The following ABCD3 variants were observed in gnomAD, a reference collection of about 807,000 sequenced individuals.
The protein encoded by ABCD3 is ATP-binding cassette sub-family D member 3.
Under a neutral mutation model 105.5 loss-of-function variants are expected in ABCD3, and 41 were observed. That is an observed-to-expected ratio of 0.39 (90% CI 0.30 to 0.50). The LOEUF is 0.50. ABCD3 is among the 20% of genes least tolerant of loss of function. The pLI, the probability that ABCD3 is intolerant of heterozygous loss-of-function variation, is 0.84. For synonymous variants in ABCD3, 258 were observed against 269.0 expected (o/e 0.96, Z 0.40); for missense variants, 622 against 806.3 (o/e 0.77, Z 2.77).
intron 9 of ABCD3, among the ~76,000 whole-genome samples, chr1:94,480,873 A>G (rs1648998747): frequency 6.6e-6 from 1 of 152,198 alleles, no homozygotes; most frequent in Admixed American, 6.5e-5. Flanking sequence ...TTCAGACATA[A>G]TCAGTTTACA....
Position 94,425,988 on chromosome 1 carries a change from G to A in ABCD3, c.110+7400G>A, listed in dbSNP as rs537183707. ...ATAGTAGTATTTACTCACTCACTCA[G>A]CAGTTAAGTGAGGATTAATGGAGAA... On this transcript the variant is annotated intron_variant, in intron 1 of 22. Transcript: ENST00000370214. Among the ~76,000 whole-genome samples, 143 of 152,264 alleles carry A rather than the reference G, an allele frequency of 9.4e-4. 1 individual carries two copies. The highest frequency in any genetic ancestry group is 3.3e-3 in the African/African-American group (139 of 41,564).
chr1:94,457,671 C>T (rs188695500), intron 1 of ABCD3, among the ~76,000 whole-genome samples: 3 of 152,156 alleles, frequency 2.0e-5, no homozygotes, highest in East Asian at 1.9e-4. Context: ...CTGAGCAAGG[C>T]GGAGGTAAAA....
intron 16 of ABCD3, among the ~76,000 whole-genome samples, chr1:94,496,573 A>G (rs1649807658): frequency 1.3e-5 from 2 of 151,860 alleles, no homozygotes; most frequent in Admixed American, 1.3e-4. Flanking sequence ...ATTTTGTCAC[A>G]GTAAAAGTCG....
chr1:94,420,828 G>A (rs1659230093), intron 1 of ABCD3, among the ~76,000 whole-genome samples: 1 of 151,970 alleles, frequency 6.6e-6, no homozygotes, highest in South Asian at 2.1e-4. Context: ...TTTAATATCT[G>A]GTGCTTAATT....
At chr1:94,465,510 T>TGCTA in intron 3 of ABCD3, among the ~76,000 whole-genome samples, 1 of 152,326 alleles carries the variant, frequency 6.6e-6, no homozygotes, top group South Asian at 2.1e-4. Flanking sequence ...TTATGTGAAA[T>TGCTA]GCTAGGGTAC....
chr1:94,499,960 T>C (rs1650012046), intron 20 of ABCD3, among the ~76,000 whole-genome samples: 1 of 152,174 alleles, frequency 6.6e-6, no homozygotes, highest in Admixed American at 6.5e-5. Flanking sequence ...GTCTCTTCCC[T>C]ATAGACATCT....
chr1:94,387,219 C>G, the ABCD3 span, among the ~76,000 whole-genome samples: 1 of 152,214 alleles, frequency 6.6e-6, no homozygotes, highest in African/African-American at 2.4e-5. Context: ...GCCACTCTGA[C>G]ACCACTTCAC....
Position 94,506,619 on chromosome 1 carries a change from T to C in ABCD3, c.1822T>C (p.Tyr608His), listed in dbSNP as rs971676032. 3.1e-6 allele frequency: 5 copies of C among 1,612,602 alleles called. No homozygotes were observed. Among genetic ancestry groups the C allele is most frequent in the South Asian group, 1.1e-5 (1 of 91,066 alleles). ...TSAVSVDVEG[Y>H]IYSHCRKVGI... ...TGCAGTTAGTGTCGACGTGGAAGGC[T>C]ACATTTATAGTCATTGTCGAAAGGT... Residue 608 changes from tyrosine to histidine, a missense_variant, in exon 21 of 23, where the codon TAC (tyrosine) becomes CAC (histidine). This residue lies in a region of ABCD3 where 285 missense variants were observed against 352.5 expected (regional missense o/e 0.81). Transcript: ENST00000370214.
chr1:94,386,023 GTTTCTTTCTTTCTTTCTTTCTTTC>G, the ABCD3 span, among the ~76,000 whole-genome samples: 42,596 of 151,394 alleles, frequency 0.28, 6,286 homozygotes, highest in Admixed American at 0.32. Context: ...TTTAGAATCT[GTTTCTTTCTTTCTTTCTTTCTTTC>G]TTTCTTTCTT....
chr1:94,499,687 T>C (rs952069158), intron 20 of ABCD3, 73 bp downstream of exon 20: 3 of 1,578,900 alleles, frequency 1.9e-6, no homozygotes, highest in African/African-American at 2.7e-5. Context: ...GACACAAAGT[T>C]TCATCTTATA....
intron 21 of ABCD3, among the ~76,000 whole-genome samples, chr1:94,507,301 C>T (rs1422806641): frequency 2.0e-5 from 3 of 152,146 alleles, no homozygotes; most frequent in African/African-American, 7.2e-5. Context: ...TCATCCATGT[C>T]CCTACAAAGG....
chr1:94,461,072 G>A (rs1647844772), intron 2 of ABCD3, among the ~76,000 whole-genome samples: 1 of 152,022 alleles, frequency 6.6e-6, no homozygotes, highest in South Asian at 2.1e-4. Flanking sequence ...GCAATAAAAA[G>A]GACACAATAT....
Position 94,506,651 on chromosome 1 carries a change from G to T in ABCD3, c.1845+9G>T, listed in dbSNP as rs192519676. On this transcript the variant is annotated intron_variant, in intron 21 of 22. Coordinates refer to ENST00000370214, the MANE Select transcript of ABCD3 (RefSeq NM_002858.4). ...ATAGTCATTGTCGAAAGGTAAGTAC[G>T]CAGGTGCTCAGTTTGAGGAGCCATG... 8 of 1,601,556 alleles carry T rather than the reference G, an allele frequency of 5.0e-6. No individual in the cohort carries two copies. The highest frequency in any genetic ancestry group is 1.3e-5 in the African/African-American group (1 of 74,686).
At chr1:94,401,975 G>A in the ABCD3 span, among the ~76,000 whole-genome samples, 1 of 152,074 alleles carries the variant, frequency 6.6e-6, no homozygotes, top group Non-Finnish European at 1.5e-5. Context: ...ATTTTACCCC[G>A]CTCCCACATG....
At chr1:94,420,969 A>G (rs969989109) in intron 1 of ABCD3, among the ~76,000 whole-genome samples, 3 of 152,192 alleles carry the variant, frequency 2.0e-5, no homozygotes, top group African/African-American at 7.2e-5. Context: ...ACAGTGTAAC[A>G]TTATTCCAAA....
intron 22 of ABCD3, among the ~76,000 whole-genome samples, chr1:94,516,519 C>G (rs1391128704): frequency 6.6e-6 from 1 of 151,886 alleles, no homozygotes; most frequent in Non-Finnish European, 1.5e-5. Context: ...CACCCTTCCT[C>G]TTCTTTTGGA....
chr1:94,447,015 A>G (rs1283009594), intron 1 of ABCD3, among the ~76,000 whole-genome samples: 1 of 152,200 alleles, frequency 6.6e-6, no homozygotes. Context: ...CTAGGAAAAA[A>G]TTTGCAAGAT....
At chr1:94,407,768 G>A in the ABCD3 span, among the ~76,000 whole-genome samples, 2 of 152,260 alleles carry the variant, frequency 1.3e-5, no homozygotes, top group East Asian at 3.9e-4. Flanking sequence ...ACCAAATCTG[G>A]CCTACCTTCT....
chr1:94,430,248 G>A (rs1294968657), intron 1 of ABCD3, among the ~76,000 whole-genome samples: 4 of 147,160 alleles, frequency 2.7e-5, no homozygotes, highest in Non-Finnish European at 6.1e-5. Context: ...GATTTTACAG[G>A]CTCGTGGGCA....
Sources: gnomAD v4.1 joint callset for allele counts (sites outside exome capture counted in the v4.1 genomes callset) on GRCh38, gnomAD v4.1.1 for gene constraint, gnomAD v4.1.1 regional missense constraint, MANE v1.5 for transcripts, NCBI Gene and HGNC (gene_info 2026-07-23, HGNC 2026-07-21) for gene names.